DEAF1: variants seen among roughly 807,000 people sequenced by gnomAD.
DEAF1 encodes the protein deformed epidermal autoregulatory factor 1 homolog.
A neutral mutation model predicts 58.9 loss-of-function variants in DEAF1; 53 were observed. That is an observed-to-expected ratio of 0.90 (90% CI 0.72 to 1.13). DEAF1 has a LOEUF of 1.13. DEAF1 is among the 50% of genes most tolerant of loss of function. DEAF1 has a pLI of 0.00. For missense variants in DEAF1, 685 were observed against 791.4 expected (o/e 0.87, Z 1.61); for synonymous variants, 385 against 340.4 (o/e 1.13, Z -1.44).
At chr11:698,860 C>A, upstream of DEAF1, 3 of 1,614,192 alleles carry the variant, frequency 1.9e-6, no homozygotes, top group Non-Finnish European at 2.5e-6. Context: ...CGGCCCCTTT[C>A]TCTTTCAGGG....
chr11:681,201 C>T, intron 6 of DEAF1, 112 bp from the exon 7 acceptor site: 2 of 1,455,066 alleles, frequency 1.4e-6, no homozygotes, highest in Non-Finnish European at 9.6e-7. Context: ...CATGGTGAGA[C>T]CACATTAAGA....
At chr11:670,082 A>G (rs1481934534) in intron 10 of DEAF1, among the ~76,000 whole-genome samples, 1 of 18,664 alleles carries the variant, frequency 5.4e-5, no homozygotes, top group Non-Finnish European at 1.1e-4. Flanking sequence ...AAGAGAAAAG[A>G]AAAAAAAAAA....
chr11:695,964 G>A (rs1861128103), upstream of DEAF1: 2 of 819,852 alleles, frequency 2.4e-6, no homozygotes, highest in Non-Finnish European at 3.3e-6. Flanking sequence ...CCGTCTCTAC[G>A]TGAGCGAGAC....
chr11:655,846 T>A lies in DEAF1; in HGVS notation c.1504-1795A>T, dbSNP rs1304098432. On this transcript the variant is annotated intron_variant, in intron 10 of 11. Transcript: ENST00000382409. ...TTATTTATTTATTATTATTATTATT[T>A]TTTTGAGATGGAGTCTCACTCTGTC... 7.4e-5 allele frequency among the ~76,000 whole-genome samples: 11 copies of A among 149,000 alleles called. No individual in the cohort carries two copies. The South Asian group carries it at 1.5e-3, about 21-fold the overall frequency.
At chr11:690,702 C>T (rs1009615823) in intron 2 of DEAF1, among the ~76,000 whole-genome samples, 3 of 152,166 alleles carry the variant, frequency 2.0e-5, no homozygotes, top group African/African-American at 7.2e-5. Flanking sequence ...GCCGAGATTG[C>T]ACCACTGCAC....
chr11:653,856 G>A, intron 11 of DEAF1, 106 bp downstream of exon 11: 1 of 962,176 alleles, frequency 1.0e-6, no homozygotes, highest in Non-Finnish European at 1.7e-6. Flanking sequence ...GACAGGGAGG[G>A]GAGTCAGGTG....
At chr11:700,249 G>A (rs776915110) in intron 1 of DEAF1, 14 of 1,606,044 alleles carry the variant, frequency 8.7e-6, no homozygotes, top group South Asian at 3.3e-5. Context: ...AGTCAGGGAC[G>A]GGCACAGTGG....
Position 655,932 on chromosome 11 carries a change from A to G in DEAF1, c.1504-1881T>C, listed in dbSNP as rs184069347. ...ACTGCAACCTCCACCTCCTGGGTTT[A>G]AGTGATTCTTGTGCCTCAGCCTCCC... On this transcript the variant is annotated intron_variant, in intron 10 of 11. Transcript: ENST00000382409. 2.8e-3 allele frequency among the ~76,000 whole-genome samples: 418 copies of G among 150,494 alleles called. 2 individuals carry two copies. The highest frequency in any genetic ancestry group is 5.0e-3 in the Non-Finnish European group (338 of 67,714).
chr11:681,967 C>T (rs376455410), intron 6 of DEAF1, among the ~76,000 whole-genome samples: 28 of 152,310 alleles, frequency 1.8e-4, no homozygotes, highest in African/African-American at 5.8e-4. Context: ...AATCAGACAC[C>T]GCAGGTGATA....
intron 6 of DEAF1, among the ~76,000 whole-genome samples, chr11:683,446 G>A (rs1860457965): frequency 6.6e-6 from 1 of 152,142 alleles, no homozygotes; most frequent in African/African-American, 2.4e-5. Context: ...ACTCTAGTCT[G>A]ACCCAGATCG....
chr11:676,367 G>A, intron 9 of DEAF1, among the ~76,000 whole-genome samples: 1 of 109,094 alleles, frequency 9.2e-6, no homozygotes, highest in African/African-American at 3.6e-5. Flanking sequence ...CGAGCACTCA[G>A]CCTGACATCC....
At chr11:670,783 T>C (rs1267303843) in intron 10 of DEAF1, among the ~76,000 whole-genome samples, 1 of 145,854 alleles carries the variant, frequency 6.9e-6, no homozygotes, top group Middle Eastern at 3.2e-3. Flanking sequence ...TTTTGTTTTT[T>C]TTTTTTTTTT....
At chr11:661,764 C>T (rs567474090) in intron 10 of DEAF1, among the ~76,000 whole-genome samples, 1 of 152,294 alleles carries the variant, frequency 6.6e-6, no homozygotes, top group South Asian at 2.1e-4. Context: ...GCCTGCCCTC[C>T]CACTGCTGGA....
intron 2 of DEAF1, among the ~76,000 whole-genome samples, chr11:690,362 AGGGGAGGGCAGGGGAGGGGGT>A (rs1860785140): frequency 9.2e-5 from 1 of 10,868 alleles, no homozygotes; most frequent in Admixed American, 1.4e-3. Context: ...AGGGCAGGGG[AGGGGAGGGCAGGGGAGGGGGT>A]TTCCAAGTTT....
At chr11:649,006 TTTG>T in intron 11 of DEAF1, among the ~76,000 whole-genome samples, 1 of 152,184 alleles carries the variant, frequency 6.6e-6, no homozygotes, top group African/African-American at 2.4e-5. Flanking sequence ...ATCCCAGCAC[TTTG>T]GGAGGCCAAG....
At chr11:679,943 C>T (rs1349256095) in intron 7 of DEAF1, 127 bp from the exon 8 acceptor site, 2 of 1,315,892 alleles carry the variant, frequency 1.5e-6, no homozygotes, top group African/African-American at 2.9e-5. Context: ...GTAACTGTAC[C>T]CTCCCATGTG....
intron 1 of DEAF1, chr11:700,942 G>C (rs1343729830): frequency 3.5e-6 from 2 of 575,926 alleles, no homozygotes; most frequent in South Asian, 4.1e-5. Context: ...GTGTTTGGAA[G>C]CATGTCTTGT....
intron 2 of DEAF1, among the ~76,000 whole-genome samples, chr11:691,090 C>T (rs73407117): frequency 0.19 from 28,739 of 152,242 alleles, 3,560 homozygotes; most frequent in African/African-American, 0.36. Context: ...TGGGAGACTG[C>T]ACCATAAATG....
intron 11 of DEAF1, among the ~76,000 whole-genome samples, chr11:652,499 G>T (rs1336182975): frequency 6.6e-6 from 1 of 152,040 alleles, no homozygotes; most frequent in Non-Finnish European, 1.5e-5. Context: ...TTAGCCGGGG[G>T]TGGAGGTGCA....
Sources: allele counts gnomAD v4.1 joint callset (sites outside exome capture counted in the v4.1 genomes callset), GRCh38; gene constraint gnomAD v4.1.1; transcripts MANE v1.5; gene names NCBI Gene and HGNC (gene_info 2026-07-23, HGNC 2026-07-21).